Variants in SEMA4D observed in about 807,000 individuals in gnomAD.
The protein encoded by SEMA4D is semaphorin 4D, also known as semaphorin-4D.
In SEMA4D, 22 loss-of-function variants were observed where a neutral mutation model predicts 74.8. That is an observed-to-expected ratio of 0.29 (90% CI 0.21 to 0.42). The LOEUF is 0.42. SEMA4D is among the 10% of genes least tolerant of loss of function. The pLI, the probability that SEMA4D is intolerant of heterozygous loss-of-function variation, is 1.00. For missense variants in SEMA4D, 937 were observed against 1,118.4 expected (o/e 0.84, Z 2.31); for synonymous variants, 445 against 463.7 (o/e 0.96, Z 0.52).
chr9:89,441,729 C>A (rs1851705653), intron 2 of SEMA4D, among the ~76,000 whole-genome samples: 1 of 152,186 alleles, frequency 6.6e-6, no homozygotes, highest in South Asian at 2.1e-4. Context: ...TCATTTCAGC[C>A]CCAATACCTG....
chr9:89,362,387 A>G (rs571273814), exon 19 of SEMA4D: 1 of 1,613,238 alleles, frequency 6.2e-7, no homozygotes, highest in East Asian at 2.2e-5. Flanking sequence ...GGTGTCAGGG[A>G]CTCCTTCCTG....
intron 6 of SEMA4D, among the ~76,000 whole-genome samples, 188 bp downstream of exon 6, chr9:89,396,549 G>A (rs1381970220): frequency 6.6e-6 from 1 of 152,262 alleles, no homozygotes; most frequent in Non-Finnish European, 1.5e-5. Flanking sequence ...AGTGGGCTGT[G>A]TGCCCCTGAC....
exon 19 of SEMA4D, chr9:89,361,085 G>A (rs188433997): frequency 1.3e-5 from 2 of 152,332 alleles, no homozygotes; most frequent in Admixed American, 1.3e-4. Context: ...GAAAACTTCA[G>A]GTTATGAGTA....
At position 89,449,900 on chromosome 9, in the gene SEMA4D, G is replaced by A. The variant is rs988747806; in HGVS notation, c.-244+5988C>T. On this transcript the variant is annotated intron_variant, in intron 2 of 15. Coordinates refer to ENST00000422704, the MANE Select transcript of SEMA4D (RefSeq NM_001371194.2). Reference sequence around the variant, plus strand: ...TAAAAATTGACCTTGGGGTCCATGTGAATGGCTTCATCACTAATGTAGCTC... The same window carrying A: ...TAAAAATTGACCTTGGGGTCCATGTAAATGGCTTCATCACTAATGTAGCTC... 9.7e-6 allele frequency: 14 copies of A among 1,447,864 alleles called. 1 individual carries two copies. Among genetic ancestry groups the A allele is most frequent in the South Asian group, 4.6e-5 (4 of 87,668 alleles). 89.7% of individuals were successfully genotyped at this position (1,447,864 alleles called of 1,614,324 possible).
chr9:89,365,135 T>G (rs1331079582), intron 16 of SEMA4D: 1 of 152,328 alleles, frequency 6.6e-6, no homozygotes, highest in Admixed American at 6.5e-5. Context: ...TCCACTCAAA[T>G]GCAGAAAGGG....
chr9:89,468,365 G>T (rs1859294000), intron 1 of SEMA4D, among the ~76,000 whole-genome samples: 1 of 152,122 alleles, frequency 6.6e-6, no homozygotes, highest in Non-Finnish European at 1.5e-5. Flanking sequence ...TCAGGGTCAG[G>T]AACCAAATTC....
At position 89,484,410 on chromosome 9, in the gene SEMA4D, G is replaced by A. The variant is rs1314704162; in HGVS notation, c.-310+13509C>T. On this transcript the variant is annotated intron_variant, in intron 1 of 15. Coordinates refer to ENST00000422704, the MANE Select transcript of SEMA4D (RefSeq NM_001371194.2). The surrounding 1 kb of genome is among the most constrained non-coding windows in gnomAD (Gnocchi z 4.1). ...TGTGGTGTTATGTGTGGGGTTTGAT[G>A]TGTGGTGTGTGTGGTGTGTATGTGT... 6.6e-6 allele frequency among the ~76,000 whole-genome samples: 1 copy of A among 152,136 alleles called. No individual in the cohort carries two copies. Among genetic ancestry groups the A allele is most frequent in the Non-Finnish European group, 1.5e-5 (1 of 68,006 alleles).
rs368346432 is a variant in SEMA4D, at chr9:89,381,456, G to C, written c.1447-110C>G. The C allele has an allele frequency of 2.0e-5, 22 of 1,079,546 alleles. No homozygotes were observed. In the East Asian group the frequency reaches 3.2e-4, roughly 15 times the overall value. 66.9% of individuals were successfully genotyped at this position (1,079,546 alleles called of 1,614,324 possible). On this transcript the variant is annotated intron_variant, in intron 13 of 15. Coordinates refer to ENST00000422704, the MANE Select transcript of SEMA4D (RefSeq NM_001371194.2). The surrounding 1 kb of genome is among the most constrained non-coding windows in gnomAD (Gnocchi z 4.6). ...AAGCAGCCAGAGTGTACCTTCAGGG[G>C]ACATTGCAGTAAGGAGGAGAGGTAC...
intron 1 of SEMA4D, among the ~76,000 whole-genome samples, chr9:89,478,913 G>C (rs1232920402): frequency 1.3e-5 from 2 of 152,160 alleles, no homozygotes; most frequent in African/African-American, 4.8e-5. Flanking sequence ...TGGGTGAGGA[G>C]CCTCAGCGGG....
intron 18 of SEMA4D, chr9:89,362,477 T>C (rs761316525): frequency 6.2e-7 from 1 of 1,613,976 alleles, no homozygotes; most frequent in South Asian, 1.1e-5. Context: ...GGATGGGCCT[T>C]TCCTGCTCTG....
chr9:89,384,623 T>A (rs1204802942), intron 13 of SEMA4D: 7 of 979,198 alleles, frequency 7.1e-6, no homozygotes, highest in Non-Finnish European at 8.5e-6. Context: ...TGAAAAATGG[T>A]TAAGACGGCA....
rs1836923418 is a variant in SEMA4D at position 89,381,072 on chromosome 9, T to C, written c.1646A>G (p.Asp549Gly). Residue 549 changes from aspartate (D) to glycine (G), a missense_variant, in exon 15 of 16, where the codon GAT becomes GGT. By Grantham distance (94) the Asp-to-Gly change is moderately conservative. Coordinates refer to ENST00000422704, the MANE Select transcript of SEMA4D (RefSeq NM_001371194.2). This position sits in a 1 kb window ranked among gnomAD's most constrained non-coding sequence, Gnocchi z 4.6. The stretch of plus-strand genomic sequence containing the variant: ...TCACTCACCCGGGCACACAGAAGCA[T>C]CGCCGCTCATCTCCTGAATCAAACC... ...SRGLIQEMSG[D>G]ASVCPDKSKG... 6.2e-7 allele frequency: 1 copy of C among 1,613,908 alleles called. No individual in the cohort carries two copies.
chr9:89,490,642 C>G (rs1200464371), intron 1 of SEMA4D, among the ~76,000 whole-genome samples: 1 of 152,156 alleles, frequency 6.6e-6, no homozygotes, highest in Non-Finnish European at 1.5e-5. Flanking sequence ...TTGGGCGGGT[C>G]AGGTGTATCA....
chr9:89,475,028 C>T (rs1861422629), intron 1 of SEMA4D, among the ~76,000 whole-genome samples: 1 of 152,238 alleles, frequency 6.6e-6, no homozygotes, highest in African/African-American at 2.4e-5. Context: ...ATGTGGTCAC[C>T]AGACCCCTCT....
intron 13 of SEMA4D, chr9:89,385,874 AC>A: frequency 3.4e-5 from 2 of 58,078 alleles, no homozygotes; most frequent in Non-Finnish European, 5.1e-5. Context: ...ATGCCCGCCC[AC>A]CCACCCCTGC....
At chr9:89,430,860 C>T (rs1587835794) in intron 2 of SEMA4D, among the ~76,000 whole-genome samples, 1 of 141,234 alleles carries the variant, frequency 7.1e-6, no homozygotes, top group Non-Finnish European at 1.6e-5. Context: ...GCCTGTAATC[C>T]CAGCTACTCA....
intron 1 of SEMA4D, among the ~76,000 whole-genome samples, chr9:89,458,962 C>CAT (rs1856620702): frequency 6.6e-6 from 1 of 152,216 alleles, no homozygotes; most frequent in Non-Finnish European, 1.5e-5. Context: ...TACCTACACA[C>CAT]ATGTGCCTAC....
rs1021571995 is a variant in SEMA4D at position 89,379,400 on chromosome 9, C to T, written c.1893G>A (p.Lys631=). ...CGACCACTTGGAAGACCGTTTTGTT[C>T]TTAACCCTCTCCTCTGACAGGCACT... ...VYQCLSEERV[K]NKTVFQVVAK... The change falls in exon 16 of 16, where the codon AAG becomes AAA. Residue 631 remains lysine (K), a synonymous_variant. Transcript: ENST00000422704. 1 of 1,614,102 alleles carries T rather than the reference C, an allele frequency of 6.2e-7. No homozygotes were observed. Among genetic ancestry groups the T allele is most frequent in the African/African-American group, 1.3e-5 (1 of 74,946 alleles).
intron 2 of SEMA4D, chr9:89,450,622 A>C: frequency 2.5e-6 from 2 of 802,690 alleles, no homozygotes; most frequent in Admixed American, 1.9e-5. Flanking sequence ...GCAGAGCTAA[A>C]GACCCTCCTC....
Sources: gnomAD v4.1 joint callset for allele counts (sites outside exome capture counted in the v4.1 genomes callset) on GRCh38, gnomAD v4.1.1 for gene constraint, Gnocchi (gnomAD v3.1) non-coding constraint, MANE v1.5 for transcripts, NCBI Gene and HGNC (gene_info 2026-07-23, HGNC 2026-07-21) for gene names.